Variants in EXOC4 observed in about 807,000 individuals in gnomAD.
The protein encoded by EXOC4 is exocyst complex component 4, also known as SEC8-like 1.
A neutral mutation model predicts 107.2 loss-of-function variants in EXOC4; 71 were observed. The ratio of observed to expected loss-of-function variants is 0.66; its 90% confidence interval spans 0.55 to 0.81. EXOC4 has a LOEUF of 0.81. EXOC4 is among the 30% of genes least tolerant of loss of function. The probability of loss-of-function intolerance (pLI) is 0.00; values close to 1 mark genes in which losing one functional copy is unlikely to be tolerated. For synonymous variants in EXOC4, 456 were observed against 441.2 expected, an observed-to-expected ratio of 1.03 and a Z score of -0.42; for missense variants, 1,108 against 1,189.6, an observed-to-expected ratio of 0.93 and a Z score of 1.01.
At chr7:133,874,909 T>A (rs1281516344) in intron 11 of EXOC4, among the ~76,000 whole-genome samples, 1 of 152,226 alleles carries the variant, frequency 6.6e-6, no homozygotes, top group Admixed American at 6.5e-5. Context: ...GGGGGCTGTT[T>A]ATTGGCTCTA....
At chr7:133,500,442 A>G (rs768807016) in intron 9 of EXOC4, among the ~76,000 whole-genome samples, 1 of 152,224 alleles carries the variant, frequency 6.6e-6, no homozygotes, top group Admixed American at 6.5e-5. Flanking sequence ...TGATGTTGAC[A>G]TTCATCCGCA....
At chr7:133,969,527 G>A (rs1801152217) in intron 14 of EXOC4, among the ~76,000 whole-genome samples, 1 of 152,130 alleles carries the variant, frequency 6.6e-6, no homozygotes, top group Non-Finnish European at 1.5e-5. Context: ...GGGTTTCTGT[G>A]TGGACGTCCT....
At chr7:133,854,769 G>A (rs1351631084) in intron 11 of EXOC4, among the ~76,000 whole-genome samples, 3 of 148,658 alleles carry the variant, frequency 2.0e-5, no homozygotes, top group Non-Finnish European at 4.4e-5. Context: ...CTGCTTGGGT[G>A]TATCCTCCTC....
chr7:133,749,573 T>A (rs190295285), intron 10 of EXOC4, among the ~76,000 whole-genome samples: 1 of 152,110 alleles, frequency 6.6e-6, no homozygotes, highest in East Asian at 1.9e-4. Flanking sequence ...TTTGTATTTT[T>A]AATAGAGATG....
At chr7:133,561,873 G>A (rs997381148) in intron 9 of EXOC4, among the ~76,000 whole-genome samples, 1 of 152,222 alleles carries the variant, frequency 6.6e-6, no homozygotes. Flanking sequence ...CTGAACTGCC[G>A]AAATAGGCTC....
At chr7:133,665,693 G>T (rs1184020354) in intron 10 of EXOC4, among the ~76,000 whole-genome samples, 1 of 152,058 alleles carries the variant, frequency 6.6e-6, no homozygotes, top group African/African-American at 2.4e-5. Flanking sequence ...CCTGCCCTCT[G>T]AATCTCCCTG....
chr7:133,699,991 A>C (rs1794621693), intron 10 of EXOC4, among the ~76,000 whole-genome samples: 1 of 152,190 alleles, frequency 6.6e-6, no homozygotes, highest in Non-Finnish European at 1.5e-5. Flanking sequence ...ATTGTCCCTT[A>C]GATTTAGTCT....
At chr7:133,357,638 G>T (rs1191918570) in intron 6 of EXOC4, among the ~76,000 whole-genome samples, 2 of 152,036 alleles carry the variant, frequency 1.3e-5, no homozygotes, top group South Asian at 2.1e-4. Context: ...TATACCTAGG[G>T]CTCAAAGTTT....
chr7:133,619,936 ATACT>A (rs1802284736), intron 9 of EXOC4, among the ~76,000 whole-genome samples: 1 of 151,648 alleles, frequency 6.6e-6, no homozygotes, highest in South Asian at 2.1e-4. Context: ...GAAAATATTA[ATACT>A]TTCTTTCTCT....
chr7:133,644,184 A>T (rs984307313), intron 10 of EXOC4, among the ~76,000 whole-genome samples: 17 of 152,332 alleles, frequency 1.1e-4, no homozygotes, highest in Admixed American at 9.8e-4. Flanking sequence ...GTAGGTATGC[A>T]GTAGGCTTCC....
At chr7:134,035,351 T>C (rs1441708217) in intron 17 of EXOC4, among the ~76,000 whole-genome samples, 1 of 151,934 alleles carries the variant, frequency 6.6e-6, no homozygotes, top group Non-Finnish European at 1.5e-5. Flanking sequence ...GGCCAAAAAG[T>C]TTTCTTAAAA....
chr7:133,984,707 T>G (rs1794073491), intron 14 of EXOC4, among the ~76,000 whole-genome samples: 1 of 152,106 alleles, frequency 6.6e-6, no homozygotes, highest in South Asian at 2.1e-4. Context: ...CAAGATGAAA[T>G]GTGCTAAGTC....
intron 10 of EXOC4, among the ~76,000 whole-genome samples, chr7:133,785,731 G>GGC: frequency 6.6e-6 from 1 of 151,538 alleles, no homozygotes; most frequent in Non-Finnish European, 1.5e-5. Flanking sequence ...GGAGTGCAGT[G>GGC]GTGCTATCTC....
intron 14 of EXOC4, among the ~76,000 whole-genome samples, chr7:133,946,519 G>A (rs1440277557): frequency 1.3e-5 from 2 of 152,166 alleles, no homozygotes; most frequent in Non-Finnish European, 2.9e-5. Context: ...ATAATTGTAT[G>A]ATGATCCAGT....
Position 133,879,346 on chromosome 7 carries a change from G to A in EXOC4, c.1735-16253G>A, listed in dbSNP as rs190089950. On this transcript the variant is annotated intron_variant, in intron 11 of 17. Transcript: ENST00000253861. Reference sequence around the variant, plus strand: ...CTGGGCTCAAGCAACTCTCCGTGTCGGCCTCCCTAAGTGCTGGGATTATGG... The same window carrying A: ...CTGGGCTCAAGCAACTCTCCGTGTCAGCCTCCCTAAGTGCTGGGATTATGG... Among the ~76,000 whole-genome samples the A allele has an allele frequency of 1.1e-4, 17 of 152,002 alleles. No individual in the cohort carries two copies. The East Asian group carries it at 2.5e-3, about 22-fold the overall frequency.
chr7:133,370,673 G>C (rs1415114517), intron 6 of EXOC4, among the ~76,000 whole-genome samples: 1 of 152,182 alleles, frequency 6.6e-6, no homozygotes, highest in Non-Finnish European at 1.5e-5. Context: ...GCAGTTCCCA[G>C]CTTGACTTTT....
At chr7:133,361,447 A>G (rs1308276745) in intron 6 of EXOC4, among the ~76,000 whole-genome samples, 2 of 152,100 alleles carry the variant, frequency 1.3e-5, no homozygotes, top group African/African-American at 4.8e-5. Context: ...CGCCCGGCTA[A>G]TTTTTTGTAT....
intron 10 of EXOC4, among the ~76,000 whole-genome samples, chr7:133,735,544 T>C (rs1166432875): frequency 6.6e-5 from 10 of 152,166 alleles, no homozygotes; most frequent in Non-Finnish European, 1.5e-5. Flanking sequence ...GGAGATATGA[T>C]AGTCCTCCAC....
intron 11 of EXOC4, among the ~76,000 whole-genome samples, chr7:133,854,089 A>T (rs1415755247): frequency 6.6e-6 from 1 of 152,168 alleles, no homozygotes; most frequent in East Asian, 1.9e-4. Context: ...CTGCCTCATC[A>T]GGGCATCAGT....
Sources: gnomAD v4.1 joint callset for allele counts (sites outside exome capture counted in the v4.1 genomes callset) on GRCh38, gnomAD v4.1.1 for gene constraint, MANE v1.5 for transcripts, NCBI Gene and HGNC (gene_info 2026-07-23, HGNC 2026-07-21) for gene names.